The following CWC27 variants were observed in gnomAD, a reference collection of about 807,000 sequenced individuals.
CWC27 encodes the protein CWC27 spliceosome associated cyclophilin.
A neutral mutation model predicts 63.6 loss-of-function variants in CWC27; 47 were observed. That is an observed-to-expected ratio of 0.74 (90% CI 0.58 to 0.94). The LOEUF (loss-of-function observed/expected upper bound fraction) is 0.94. Ranked by LOEUF, CWC27 falls within the 40% of genes least tolerant of loss-of-function variation. The probability of loss-of-function intolerance (pLI) is 0.00; values close to 1 mark genes in which losing one functional copy is unlikely to be tolerated. For synonymous variants in CWC27, 175 were observed against 179.8 expected (o/e 0.97, Z 0.22); for missense variants, 495 against 554.3 (o/e 0.89, Z 1.07).
intron 1 of CWC27, among the ~76,000 whole-genome samples, chr5:64,773,149 A>G (rs755883155): frequency 5.9e-5 from 9 of 152,194 alleles, no homozygotes; most frequent in Non-Finnish European, 1.3e-4. Flanking sequence ...ATCAGAAATT[A>G]TTATGAAGAC....
At chr5:64,951,191 G>A (rs1433599) in intron 11 of CWC27, among the ~76,000 whole-genome samples, 7,628 of 151,746 alleles carry the variant, frequency 0.05, 452 homozygotes, top group African/African-American at 0.14. Flanking sequence ...ACTCCCTCTG[G>A]CAATGTAGAA....
intron 4 of CWC27, 112 bp from the exon 5 acceptor site, chr5:64,785,369 T>C: frequency 2.1e-6 from 1 of 486,094 alleles, no homozygotes; most frequent in Admixed American, 3.7e-5. Context: ...TATTTTTATG[T>C]AATCACATGA....
chr5:64,784,487 C>T (rs530855427), intron 4 of CWC27, among the ~76,000 whole-genome samples: 2 of 152,216 alleles, frequency 1.3e-5, no homozygotes, highest in Admixed American at 1.3e-4. Context: ...TAACAATTCC[C>T]TTTAAAAAGG....
chr5:64,819,637 T>C (rs537187762), intron 10 of CWC27, among the ~76,000 whole-genome samples: 2 of 152,284 alleles, frequency 1.3e-5, no homozygotes, highest in African/African-American at 2.4e-5. Context: ...TCTTCTGCCA[T>C]GATCATGAGG....
At chr5:64,807,882 A>G (rs1744744357) in intron 10 of CWC27, 3 of 1,476,314 alleles carry the variant, frequency 2.0e-6, no homozygotes. Context: ...ATTCCATTTT[A>G]TTTCCTGTCC....
At chr5:64,974,853 T>C (rs1249916462) in intron 12 of CWC27, among the ~76,000 whole-genome samples, 4 of 152,232 alleles carry the variant, frequency 2.6e-5, no homozygotes, top group African/African-American at 9.6e-5. Flanking sequence ...ATCTGTTTTC[T>C]TATTAATAAG....
At chr5:64,778,189 C>T (rs1396798112) in intron 2 of CWC27, among the ~76,000 whole-genome samples, 1 of 151,000 alleles carries the variant, frequency 6.6e-6, no homozygotes, top group African/African-American at 2.4e-5. Flanking sequence ...ATAAGTAGTT[C>T]TTGAATCTGT....
At chr5:64,981,064 C>T (rs1348359075) in intron 13 of CWC27, among the ~76,000 whole-genome samples, 2 of 152,082 alleles carry the variant, frequency 1.3e-5, no homozygotes, top group Non-Finnish European at 2.9e-5. Context: ...TGCACTCCAA[C>T]CTGGTTGACA....
intron 13 of CWC27, 122 bp downstream of exon 13, chr5:64,977,360 C>A: frequency 1.7e-6 from 1 of 599,260 alleles, no homozygotes; most frequent in Non-Finnish European, 2.8e-6. Context: ...ATTATAGGAC[C>A]TCGGCAACTT....
chr5:64,958,377 A>G (rs1336208082), intron 11 of CWC27, among the ~76,000 whole-genome samples: 3 of 152,192 alleles, frequency 2.0e-5, no homozygotes, highest in Non-Finnish European at 4.4e-5. Context: ...TAGCACAATC[A>G]TTGAACTTCT....
intron 10 of CWC27, among the ~76,000 whole-genome samples, chr5:64,880,457 T>C (rs574025977): frequency 5.1e-4 from 77 of 152,076 alleles, no homozygotes; most frequent in Middle Eastern, 6.8e-3. Context: ...AAAAGATTAT[T>C]GAGGGATAGA....
intron 10 of CWC27, among the ~76,000 whole-genome samples, chr5:64,866,038 T>C (rs1746524640): frequency 6.6e-6 from 1 of 152,074 alleles, no homozygotes; most frequent in South Asian, 2.1e-4. Flanking sequence ...TAATTACAAA[T>C]GTACATAACA....
chr5:64,830,899 G>A (rs549214369), intron 10 of CWC27, among the ~76,000 whole-genome samples: 82 of 152,130 alleles, frequency 5.4e-4, no homozygotes, highest in Non-Finnish European at 7.6e-4. Context: ...TATCATTGAT[G>A]GACATTTGGG....
At chr5:64,896,181 A>ACC (rs1747370081) in intron 11 of CWC27, among the ~76,000 whole-genome samples, 1 of 152,248 alleles carries the variant, frequency 6.6e-6, no homozygotes, top group Non-Finnish European at 1.5e-5. Context: ...CTCAACAGCA[A>ACC]CAGGTGAGGA....
chr5:64,953,368 C>G (rs1398620101), intron 11 of CWC27, among the ~76,000 whole-genome samples: 1 of 152,116 alleles, frequency 6.6e-6, no homozygotes. Context: ...TTGAGACAGA[C>G]TCAAACCTTC....
intron 11 of CWC27, among the ~76,000 whole-genome samples, chr5:64,893,079 G>A (rs1456220944): frequency 6.6e-6 from 1 of 152,206 alleles, no homozygotes; most frequent in African/African-American, 2.4e-5. Context: ...ATGCACGTGT[G>A]CATGCGCACA....
intron 11 of CWC27, among the ~76,000 whole-genome samples, chr5:64,888,685 A>G (rs898118629): frequency 2.0e-5 from 3 of 151,796 alleles, no homozygotes; most frequent in Non-Finnish European, 4.4e-5. Flanking sequence ...CCAAGTAATT[A>G]AAATAGAAAT....
chr5:64,875,302 A>T (rs536574217), intron 10 of CWC27, among the ~76,000 whole-genome samples: 1 of 152,228 alleles, frequency 6.6e-6, no homozygotes, highest in African/African-American at 2.4e-5. Flanking sequence ...GTGTGTTTAG[A>T]TTTCTCCTTT....
intron 11 of CWC27, among the ~76,000 whole-genome samples, chr5:64,896,699 G>C (rs1273723358): frequency 6.6e-6 from 1 of 151,094 alleles, no homozygotes; most frequent in Non-Finnish European, 1.5e-5. Flanking sequence ...CAACCCAAAG[G>C]GGATAAGAAA....
Sources: gnomAD v4.1 joint callset for allele counts (sites outside exome capture counted in the v4.1 genomes callset) on GRCh38, gnomAD v4.1.1 for gene constraint, MANE v1.5 for transcripts, NCBI Gene and HGNC (gene_info 2026-07-23, HGNC 2026-07-21) for gene names.